OTULIN: variants seen among roughly 807,000 people sequenced by gnomAD.
OTULIN encodes the protein ubiquitin thioesterase otulin.
A neutral mutation model predicts 39.6 loss-of-function variants in OTULIN; 15 were observed. The ratio of observed to expected loss-of-function variants is 0.38; its 90% CI spans 0.25 to 0.58. The LOEUF is 0.58. Ranked by LOEUF, OTULIN falls within the 20% of genes least tolerant of loss-of-function variation. The pLI, the probability that OTULIN is intolerant of heterozygous loss-of-function variation, is 0.66. For synonymous variants in OTULIN, 156 were observed against 170.3 expected (o/e 0.92, Z 0.65); for missense variants, 319 against 445.9 (o/e 0.72, Z 2.56).
At chr5:14,687,058 C>G (rs1736404454) in intron 4 of OTULIN, among the ~76,000 whole-genome samples, 1 of 152,076 alleles carries the variant, frequency 6.6e-6, no homozygotes, top group East Asian at 1.9e-4. Context: ...TTTTTAAATG[C>G]CAGAAACTAG....
At chr5:14,682,763 C>T (rs1736287650) in intron 4 of OTULIN, among the ~76,000 whole-genome samples, 2 of 151,884 alleles carry the variant, frequency 1.3e-5, no homozygotes, top group South Asian at 4.2e-4. Context: ...GCAAAAAGAC[C>T]AACCTGGCTG....
At chr5:14,676,824 T>C (rs1389064699) in intron 2 of OTULIN, among the ~76,000 whole-genome samples, 2 of 152,168 alleles carry the variant, frequency 1.3e-5, no homozygotes, top group African/African-American at 2.4e-5. Flanking sequence ...GGCAGGGGAA[T>C]GGAAAGACAG....
the OTULIN span, chr5:14,710,236 C>T: frequency 6.6e-6 from 1 of 151,938 alleles, no homozygotes; most frequent in Non-Finnish European, 1.5e-5. Flanking sequence ...AGCAACCTGG[C>T]ATTAGAATGC....
downstream of OTULIN, among the ~76,000 whole-genome samples, chr5:14,701,628 G>A (rs1736797933): frequency 6.6e-6 from 1 of 152,164 alleles, no homozygotes; most frequent in Non-Finnish European, 1.5e-5. Flanking sequence ...TCTACTCTTG[G>A]TACTTTTTTG....
At chr5:14,681,703 G>A in intron 4 of OTULIN, 96 bp downstream of exon 4, 1 of 1,348,504 alleles carries the variant, frequency 7.4e-7, no homozygotes, top group Non-Finnish European at 9.9e-7. Context: ...AGTATCGTCT[G>A]CAGTATGATG....
chr5:14,680,631 A>G (rs2077072871), intron 3 of OTULIN, among the ~76,000 whole-genome samples: 1 of 152,206 alleles, frequency 6.6e-6, no homozygotes, highest in Non-Finnish European at 1.5e-5. Context: ...CAGACTCACT[A>G]GGATTTTTTG....
At chr5:14,682,661 AGC>A (rs1258158124) in intron 4 of OTULIN, among the ~76,000 whole-genome samples, 2 of 152,226 alleles carry the variant, frequency 1.3e-5, no homozygotes, top group Non-Finnish European at 2.9e-5. Flanking sequence ...GCCCACTGTG[AGC>A]CTGCATGAAA....
chr5:14,713,032 C>T, the OTULIN span: 35 of 1,512,102 alleles, frequency 2.3e-5, no homozygotes, highest in South Asian at 3.1e-4. This position sits in a 1 kb window ranked among gnomAD's most constrained non-coding sequence, Gnocchi z 4.4. Context: ...GCACAACCGT[C>T]GATGCCAAAA....
At chr5:14,713,631 G>A in the OTULIN span, 2 of 1,614,224 alleles carry the variant, frequency 1.2e-6, no homozygotes, top group Middle Eastern at 1.7e-4. This position sits in a 1 kb window ranked among gnomAD's most constrained non-coding sequence, Gnocchi z 4.4. Flanking sequence ...TTTCTTCAGT[G>A]TCATCAGCCA....
At chr5:14,687,835 T>C in intron 5 of OTULIN, 189 bp downstream of exon 5, 1 of 569,380 alleles carries the variant, frequency 1.8e-6, no homozygotes, top group Non-Finnish European at 2.9e-6. Context: ...ACCAACATTA[T>C]ATATTCTTAG....
chr5:14,687,391 A>T, intron 4 of OTULIN, 130 bp from the exon 5 acceptor site: 1 of 1,114,404 alleles, frequency 9.0e-7, no homozygotes, highest in South Asian at 1.7e-5. Flanking sequence ...CCCACATCAC[A>T]GATTTGCAGA....
Position 14,690,617 on chromosome 5 carries a change from C to T in OTULIN, c.864+309C>T, listed in dbSNP as rs114320410. Among the ~76,000 whole-genome samples, 4 of 152,138 alleles carry T rather than the reference C, an allele frequency of 2.6e-5. No homozygotes were observed. The highest frequency in any genetic ancestry group is 5.9e-5 in the Non-Finnish European group (4 of 68,006). ...GGCCTCCACAGGGCTGCTTGAGTGTCCTTACAACATGGCAGCTGGCTTCTC... is the reference window on the plus strand; with the variant it reads ...GGCCTCCACAGGGCTGCTTGAGTGTTCTTACAACATGGCAGCTGGCTTCTC... On this transcript the variant is annotated intron_variant, in intron 6 of 6. Coordinates refer to ENST00000284274, the MANE Select transcript of OTULIN (RefSeq NM_138348.6). The surrounding 1 kb of genome is among the most constrained non-coding windows in gnomAD (Gnocchi z 4.5).
At chr5:14,686,235 C>T (rs893674822) in intron 4 of OTULIN, among the ~76,000 whole-genome samples, 1 of 152,132 alleles carries the variant, frequency 6.6e-6, no homozygotes, top group Non-Finnish European at 1.5e-5. Context: ...GAAGATTTGG[C>T]CTCATTTAAA....
intron 4 of OTULIN, among the ~76,000 whole-genome samples, chr5:14,682,685 G>A (rs1736285360): frequency 6.6e-6 from 1 of 152,186 alleles, no homozygotes; most frequent in South Asian, 2.1e-4. Flanking sequence ...GCGATGGCTA[G>A]CAATGATCAC....
chr5:14,666,936 A>G (rs1735863131), intron 1 of OTULIN, among the ~76,000 whole-genome samples: 1 of 152,222 alleles, frequency 6.6e-6, no homozygotes, highest in African/African-American at 2.4e-5. Flanking sequence ...TTCCTGCATG[A>G]TGATATATAC....
intron 4 of OTULIN, 75 bp from the exon 5 acceptor site, chr5:14,687,446 C>A: frequency 6.6e-7 from 1 of 1,523,442 alleles, no homozygotes; most frequent in East Asian, 2.3e-5. Context: ...TTTGTGGTTT[C>A]TTACAGCTTG....
chr5:14,677,127 T>TA (rs568510654), intron 2 of OTULIN, among the ~76,000 whole-genome samples: 209 of 152,320 alleles, frequency 1.4e-3, no homozygotes, highest in Admixed American at 3.6e-3. Flanking sequence ...AGAGTTTACT[T>TA]AAAAAATTTT....
chr5:14,711,343 G>A, the OTULIN span: 1 of 1,581,260 alleles, frequency 6.3e-7, no homozygotes, highest in South Asian at 1.1e-5. Context: ...GTGTGGGGCT[G>A]TGGATGGGGA....
chr5:14,666,773 C>A (rs978982567), intron 1 of OTULIN, among the ~76,000 whole-genome samples: 5 of 152,200 alleles, frequency 3.3e-5, no homozygotes, highest in African/African-American at 1.2e-4. Context: ...AACATCATGT[C>A]TCAAGTTTTG....
Sources: allele counts gnomAD v4.1 joint callset (sites outside exome capture counted in the v4.1 genomes callset), GRCh38; gene constraint gnomAD v4.1.1; non-coding constraint Gnocchi (gnomAD v3.1); transcripts MANE v1.5; gene names NCBI Gene and HGNC (gene_info 2026-07-23, HGNC 2026-07-21).